The following KCNIP1 variants were observed in gnomAD, a reference collection of about 807,000 sequenced individuals.
The protein encoded by KCNIP1 is A-type potassium channel modulatory protein KCNIP1.
In KCNIP1, 18 loss-of-function variants were observed where a neutral mutation model predicts 33.0. That is an observed-to-expected ratio of 0.55 (90% confidence interval 0.38 to 0.81). The LOEUF is 0.81. Ranked by LOEUF, KCNIP1 falls within the 30% of genes least tolerant of loss-of-function variation. The probability of loss-of-function intolerance (pLI) is 0.00; values close to 1 mark genes in which losing one functional copy is unlikely to be tolerated. For synonymous variants in KCNIP1, 93 were observed against 98.3 expected (o/e 0.95, Z 0.32); for missense variants, 238 against 271.6 (o/e 0.88, Z 0.87).
chr5:170,646,831 G>T (rs1287544783), intron 1 of KCNIP1, among the ~76,000 whole-genome samples: 1 of 152,084 alleles, frequency 6.6e-6, no homozygotes, highest in Admixed American at 6.5e-5. Context: ...TATCTGTATA[G>T]AAAATTGAAA....
At chr5:170,663,894 A>C in intron 1 of KCNIP1, among the ~76,000 whole-genome samples, 1 of 143,798 alleles carries the variant, frequency 7.0e-6, no homozygotes. Flanking sequence ...CCCTGTGTAC[A>C]CTCCCTTCCA....
exon 1 of KCNIP1, chr5:170,353,570 T>C: frequency 2.1e-6 from 1 of 476,136 alleles, no homozygotes; most frequent in Non-Finnish European, 3.8e-6. Flanking sequence ...CTCGGTTCCC[T>C]TGGAGTACCT....
chr5:170,597,784 A>AATAAATAAATAAAT (rs1433551163), intron 1 of KCNIP1, among the ~76,000 whole-genome samples: 1 of 134,434 alleles, frequency 7.4e-6, no homozygotes, highest in African/African-American at 3.1e-5. Context: ...GAGAGAGATA[A>AATAAATAAATAAAT]ATATATATAT....
chr5:170,444,480 C>A (rs376187460), intron 1 of KCNIP1, among the ~76,000 whole-genome samples: 1 of 152,094 alleles, frequency 6.6e-6, no homozygotes, highest in Non-Finnish European at 1.5e-5. Context: ...TGATTGACAA[C>A]CTTAATCCCA....
chr5:170,645,590 A>G (rs562369964), intron 1 of KCNIP1, among the ~76,000 whole-genome samples: 25 of 152,236 alleles, frequency 1.6e-4, no homozygotes, highest in Non-Finnish European at 3.1e-4. Flanking sequence ...GTCAAGGCAT[A>G]GCTGAACTCA....
At chr5:170,576,310 C>T (rs1233728425) in intron 1 of KCNIP1, among the ~76,000 whole-genome samples, 1 of 152,198 alleles carries the variant, frequency 6.6e-6, no homozygotes, top group African/African-American at 2.4e-5. Flanking sequence ...CTAAAGACTT[C>T]AGGAGTAAGT....
chr5:170,460,634 C>T (rs1485360598), intron 1 of KCNIP1, among the ~76,000 whole-genome samples: 1 of 152,094 alleles, frequency 6.6e-6, no homozygotes, highest in Non-Finnish European at 1.5e-5. Flanking sequence ...TCAACAAAAT[C>T]CAGCACGCTT....
chr5:170,462,681 A>G (rs1362111627), intron 1 of KCNIP1, among the ~76,000 whole-genome samples: 1 of 152,218 alleles, frequency 6.6e-6, no homozygotes, highest in Non-Finnish European at 1.5e-5. Context: ...ACTTGCACAC[A>G]CATATTTACA....
At chr5:170,361,370 C>G (rs564763165) in intron 1 of KCNIP1, among the ~76,000 whole-genome samples, 14 of 152,358 alleles carry the variant, frequency 9.2e-5, no homozygotes, top group South Asian at 6.2e-4. Context: ...TGACCACGCT[C>G]TCTGTCACAG....
chr5:170,620,595 C>G (rs539714674), intron 1 of KCNIP1, among the ~76,000 whole-genome samples: 1 of 152,192 alleles, frequency 6.6e-6, no homozygotes, highest in Admixed American at 6.5e-5. Context: ...TGATGCCTGC[C>G]TGATCTATGG....
intron 1 of KCNIP1, among the ~76,000 whole-genome samples, chr5:170,423,392 C>A (rs1367253112): frequency 2.0e-5 from 3 of 151,478 alleles, no homozygotes; most frequent in African/African-American, 4.9e-5. Context: ...AGAAATAAAA[C>A]ATCACCAACA....
intron 1 of KCNIP1, among the ~76,000 whole-genome samples, chr5:170,492,755 C>CTAT (rs1554096207): frequency 6.7e-6 from 1 of 150,346 alleles, no homozygotes; most frequent in Non-Finnish European, 1.5e-5. Context: ...AAATATCTAT[C>CTAT]TATTTATTTA....
chr5:170,385,575 C>T (rs757985278), intron 1 of KCNIP1: 9 of 1,058,124 alleles, frequency 8.5e-6, no homozygotes, highest in Non-Finnish European at 1.2e-5. Flanking sequence ...ATTAATATCA[C>T]TCTTGTTTAT....
At chr5:170,619,747 C>T (rs1360020050) in intron 1 of KCNIP1, among the ~76,000 whole-genome samples, 1 of 152,198 alleles carries the variant, frequency 6.6e-6, no homozygotes, top group Non-Finnish European at 1.5e-5. Context: ...AAACTTCTTG[C>T]CTTCTTGGTA....
intron 1 of KCNIP1, among the ~76,000 whole-genome samples, chr5:170,629,294 G>A (rs1759958492): frequency 6.6e-6 from 1 of 152,178 alleles, no homozygotes; most frequent in Non-Finnish European, 1.5e-5. Context: ...GTTCATGCAG[G>A]GACCTCCTGG....
intron 1 of KCNIP1, among the ~76,000 whole-genome samples, chr5:170,384,924 AC>A (rs1191762990): frequency 6.6e-6 from 1 of 152,206 alleles, no homozygotes. Context: ...CTGGATGCCC[AC>A]CTGACAGGGA....
intron 1 of KCNIP1, among the ~76,000 whole-genome samples, chr5:170,452,570 G>A (rs1237378775): frequency 6.6e-6 from 1 of 152,168 alleles, no homozygotes; most frequent in African/African-American, 2.4e-5. Context: ...CCCATCTTCA[G>A]GCCAAGCTGA....
At chr5:170,712,496 T>C (rs1302053178) in intron 1 of KCNIP1, among the ~76,000 whole-genome samples, 2 of 152,156 alleles carry the variant, frequency 1.3e-5, no homozygotes, top group African/African-American at 4.8e-5. Context: ...GTGGAGGGTA[T>C]CTTATAAGCC....
intron 1 of KCNIP1, among the ~76,000 whole-genome samples, chr5:170,608,855 T>C (rs1759035610): frequency 6.6e-6 from 1 of 152,132 alleles, no homozygotes; most frequent in Non-Finnish European, 1.5e-5. Flanking sequence ...ACTCCCCCCT[T>C]ACTCTGTAAA....
Sources: gnomAD v4.1 joint callset for allele counts (sites outside exome capture counted in the v4.1 genomes callset) on GRCh38, gnomAD v4.1.1 for gene constraint, MANE v1.5 for transcripts, NCBI Gene and HGNC (gene_info 2026-07-23, HGNC 2026-07-21) for gene names.